The following ZNF430 variants were observed in gnomAD, a reference collection of about 807,000 sequenced individuals.
The protein encoded by ZNF430 is zinc finger protein 430.
ZNF430 carries 35 observed loss-of-function variants against 56.7 expected under a neutral mutation model. The ratio of observed to expected loss-of-function variants is 0.62; its 90% CI spans 0.47 to 0.82. The LOEUF (loss-of-function observed/expected upper bound fraction) is 0.82. Among genes scored for constraint, ZNF430 ranks in the 40% least tolerant of loss-of-function variants. ZNF430 has a pLI of 0.00. For missense variants in ZNF430, 574 were observed against 661.0 expected (o/e 0.87, Z 1.44); for synonymous variants, 212 against 224.3 (o/e 0.94, Z 0.49).
chr19:21,040,011 A>AT (rs1391828963), intron 4 of ZNF430, among the ~76,000 whole-genome samples: 1 of 151,534 alleles, frequency 6.6e-6, no homozygotes, highest in African/African-American at 2.4e-5. Flanking sequence ...TAATTTTTTG[A>AT]TTTTTTTGTA....
chr19:21,057,290 C>A lies in ZNF430; in HGVS notation c.982C>A (p.Arg328=). ...RCEECGRAFN[R]SSHLTTHKII... ...TGAAGAATGTGGCAGAGCTTTTAAC[C>A]GGTCCTCACACCTTACTACACATAA... Residue 328 remains arginine, a synonymous_variant, in exon 5 of 5, where the codon CGG becomes AGG. Transcript: ENST00000261560. The A allele has an allele frequency of 6.2e-7, 1 of 1,612,562 alleles. No homozygotes were observed. Among genetic ancestry groups the A allele is most frequent in the Non-Finnish European group, 8.5e-7 (1 of 1,179,744 alleles).
At chr19:21,033,874 G>A (rs914840176) in intron 3 of ZNF430, among the ~76,000 whole-genome samples, 9 of 151,856 alleles carry the variant, frequency 5.9e-5, no homozygotes, top group African/African-American at 1.2e-4. Flanking sequence ...TCTATTTGCC[G>A]CCACCAATTT....
chr19:21,027,497 T>G (rs1186182985), intron 2 of ZNF430, among the ~76,000 whole-genome samples: 1 of 152,172 alleles, frequency 6.6e-6, no homozygotes, highest in African/African-American at 2.4e-5. Context: ...CCTACTTGAT[T>G]ATAGTGGATT....
intron 4 of ZNF430, among the ~76,000 whole-genome samples, chr19:21,038,620 G>A (rs1329604909): frequency 6.6e-6 from 1 of 151,986 alleles, no homozygotes; most frequent in East Asian, 1.9e-4. Context: ...TAGAGACGGG[G>A]GTTTCACAAT....
chr19:21,048,164 C>CTTTTTTTTTTTTTTTTT (rs536496163), intron 4 of ZNF430, among the ~76,000 whole-genome samples: 4 of 59,814 alleles, frequency 6.7e-5, no homozygotes, highest in Admixed American at 3.1e-4. Flanking sequence ...CATAAAACAT[C>CTTTTTTTTTTTTTTTTT]TTTTTTTTTT....
At chr19:21,029,721 C>G (rs555138882) in intron 2 of ZNF430, among the ~76,000 whole-genome samples, 1 of 152,162 alleles carries the variant, frequency 6.6e-6, no homozygotes, top group South Asian at 2.1e-4. Context: ...AATCCCAACA[C>G]TTTGGGAGGC....
In ZNF430 at chr19:21,034,090, T is replaced by C. The variant is rs771867533; in HGVS notation, c.228T>C (p.Gly76=). The change falls in exon 4 of 5, where the codon GGT becomes GGC. Residue 76 remains glycine, a synonymous_variant. Coordinates refer to ENST00000261560, the MANE Select transcript of ZNF430 (RefSeq NM_025189.4). The part of the protein sequence containing the change: ...ENYRNLVFLA[G]IAVSKPDLIT... ...TGTTATTTATTTTCAATAAAGCAGGTATTGCTGTTTCTAAGCCAGACCTGA... is the reference window on the plus strand; with the variant it reads ...TGTTATTTATTTTCAATAAAGCAGGCATTGCTGTTTCTAAGCCAGACCTGA... The C allele has an allele frequency of 6.2e-7, 1 of 1,611,960 alleles. No homozygotes were observed. The highest frequency in any genetic ancestry group is 1.1e-5 in the South Asian group (1 of 91,008).
Position 21,057,993 on chromosome 19 carries a change from C to A in ZNF430, c.1685C>A (p.Ser562Ter). Residue 562 changes from serine (S) to a stop codon, truncating the protein, a stop_gained, in exon 5 of 5, where the codon TCA (serine) becomes TAA (stop). Coordinates refer to ENST00000261560, the MANE Select transcript of ZNF430 (RefSeq NM_025189.4). LOFTEE classifies it high-confidence loss of function. The stretch of plus-strand genomic sequence containing the variant: ...TCAAACCTTATTGAACAAAGTAATT[C>A]ATACTGGAGAGAAACCCTACAAATG... ...QSSNLIEQSN[S>*]YWRETLQM The A allele has an allele frequency of 1.2e-6, 2 of 1,612,424 alleles. No homozygotes were observed. The highest frequency in any genetic ancestry group is 8.5e-7 in the Non-Finnish European group (1 of 1,179,380).
intron 4 of ZNF430, among the ~76,000 whole-genome samples, chr19:21,051,469 A>C (rs1289849516): frequency 2.6e-5 from 4 of 151,178 alleles, no homozygotes; most frequent in Non-Finnish European, 4.4e-5. Flanking sequence ...ATATGTGAAC[A>C]TTTATATATG....
chr19:21,034,930 T>C (rs963071195), intron 4 of ZNF430: 2 of 152,190 alleles, frequency 1.3e-5, no homozygotes, highest in African/African-American at 4.8e-5. Context: ...TGTTGTTAAC[T>C]TTTCTGCACA....
At chr19:21,030,805 C>CT (rs1376450964) in intron 2 of ZNF430, among the ~76,000 whole-genome samples, 1 of 151,854 alleles carries the variant, frequency 6.6e-6, no homozygotes, top group African/African-American at 2.4e-5. Flanking sequence ...AATTACCAAA[C>CT]GAGTTTTAAG....
At chr19:21,048,073 T>C (rs73531817) in intron 4 of ZNF430, among the ~76,000 whole-genome samples, 2,309 of 152,212 alleles carry the variant, frequency 0.015, 67 homozygotes, top group African/African-American at 0.053. Flanking sequence ...GCTTTGATTA[T>C]TTTTTCATTT....
In ZNF430 at chr19:21,056,986, T is replaced by G. The variant is rs1270317124; in HGVS notation, c.678T>G (p.Ile226Met). 1 of 1,613,998 alleles carries G rather than the reference T, an allele frequency of 6.2e-7. No homozygotes were observed. Among genetic ancestry groups the G allele is most frequent in the Non-Finnish European group, 8.5e-7 (1 of 1,179,976 alleles). ...MLLHLTQHKRIHIRENSYQCE... is the reference protein window; with the variant it reads ...MLLHLTQHKRMHIRENSYQCE... ...TACACCTAACTCAACATAAAAGAATTCATATTAGGGAAAATTCTTACCAAT... is the reference window on the plus strand; with the variant it reads ...TACACCTAACTCAACATAAAAGAATGCATATTAGGGAAAATTCTTACCAAT... The change falls in exon 5 of 5, where the codon ATT (isoleucine) becomes ATG (methionine). Residue 226 changes from isoleucine (I) to methionine (M), a missense_variant. Around this residue, in one of 3 missense-constraint regions of ZNF430, gnomAD observed 346 missense variants for 399.1 expected, o/e 0.87. Transcript: ENST00000261560.
intron 4 of ZNF430, among the ~76,000 whole-genome samples, chr19:21,040,628 A>T (rs1897071188): frequency 6.6e-6 from 1 of 152,180 alleles, no homozygotes; most frequent in African/African-American, 2.4e-5. Context: ...TTTATAATTT[A>T]TCCACTCTCA....
intron 2 of ZNF430, among the ~76,000 whole-genome samples, chr19:21,028,064 C>A (rs141215103): frequency 6.5e-4 from 99 of 152,246 alleles, no homozygotes; most frequent in African/African-American, 2.4e-3. Flanking sequence ...GTGGTTGATC[C>A]TACCTAGAAT....
At chr19:21,037,448 C>T (rs530836476) in intron 4 of ZNF430, among the ~76,000 whole-genome samples, 5 of 149,602 alleles carry the variant, frequency 3.3e-5, no homozygotes, top group East Asian at 2.0e-4. Context: ...AATAATATTT[C>T]GCTCTACACA....
At chr19:21,028,104 A>T (rs1192582542) in intron 2 of ZNF430, among the ~76,000 whole-genome samples, 3 of 152,096 alleles carry the variant, frequency 2.0e-5, no homozygotes, top group Non-Finnish European at 4.4e-5. Context: ...TCTTCCTGGG[A>T]TTTACAGGAC....
chr19:21,037,971 A>C (rs1968033704), intron 4 of ZNF430, among the ~76,000 whole-genome samples: 1 of 151,674 alleles, frequency 6.6e-6, no homozygotes, highest in Non-Finnish European at 1.5e-5. Flanking sequence ...TAACTGTGAC[A>C]TGTAATTTGG....
rs55772412 is a variant in ZNF430, at chr19:21,054,669, C to CTTTTTTTTTTTTTTTTTT, written c.323-1955_323-1938dup. On this transcript the variant is annotated intron_variant, in intron 4 of 4. Transcript: ENST00000261560. ...TTTTTGAGCTTCTTCATTTTTACGT[C>CTTTTTTTTTTTTTTTTTT]TTTTTTTTTTTTTTTTTTTTTTTTG... 2.6e-4 allele frequency among the ~76,000 whole-genome samples: 17 copies of CTTTTTTTTTTTTTTTTTT among 65,594 alleles called. 1 individual carries two copies. The highest frequency in any genetic ancestry group is 9.5e-4 in the African/African-American group (15 of 15,714). 43.0% of individuals were successfully genotyped at this position (65,594 alleles called of 152,430 possible). A position where few individuals can be genotyped will look rare whatever the true frequency, so the allele number is the denominator to read the frequency against.
Sources: allele counts gnomAD v4.1 joint callset (sites outside exome capture counted in the v4.1 genomes callset), GRCh38; gene constraint gnomAD v4.1.1; regional missense constraint gnomAD v4.1.1; transcripts MANE v1.5; gene names NCBI Gene and HGNC (gene_info 2026-07-23, HGNC 2026-07-21).